CBLL1: variants seen among roughly 807,000 people sequenced by gnomAD.
CBLL1 encodes the protein Cbl proto-oncogene like 1.
In CBLL1, 4 loss-of-function variants were observed where a neutral mutation model predicts 44.9. The observed-to-expected ratio is 0.09, with a 90% CI of 0.04 to 0.20. CBLL1 has a LOEUF of 0.20. Among genes scored for constraint, CBLL1 ranks in the 10% least tolerant of loss-of-function variants. The pLI is 1.00. For synonymous variants in CBLL1, 235 were observed against 202.2 expected, an observed-to-expected ratio of 1.16 and a Z score of -1.38; for missense variants, 569 against 636.7, an observed-to-expected ratio of 0.89 and a Z score of 1.14.
In CBLL1 at chr7:107,744,175, T is replaced by G. The variant is rs748860707; in HGVS notation, c.12T>G (p.Thr4=). 9.0e-6 allele frequency: 14 copies of G among 1,553,620 alleles called. No individual in the cohort carries two copies. The Admixed American group carries it at 2.8e-4, about 31-fold the overall frequency. Residue 4 remains threonine (T), a splice_region_variant and synonymous_variant, in exon 1 of 6, where the codon ACT becomes ACG. Transcript: ENST00000440859. The part of the protein sequence containing the change: MDH[T]DNELQGTNSS... ...CTGCGAGCCGAATCATGGATCACAC[T>G]GGTAAGGAGGCGGAGGCAGTGGGGG...
chr7:107,756,896 G>A (rs1793551001), intron 5 of CBLL1, among the ~76,000 whole-genome samples: 1 of 152,158 alleles, frequency 6.6e-6, no homozygotes, highest in African/African-American at 2.4e-5. Context: ...GTGAAGAAAT[G>A]GCAGTCAGAG....
Position 107,759,211 on chromosome 7 carries a change from A to G in CBLL1, c.*33A>G, listed in dbSNP as rs1183072099. On this transcript the variant is annotated 3_prime_UTR_variant, in exon 6 of 6. Coordinates refer to ENST00000440859, the MANE Select transcript of CBLL1 (RefSeq NM_024814.4). ...ATTTTGAATGGAAGATATGAGGGGG[A>G]AAAAAACTTATGTGTAGTCAATCTT... The G allele has an allele frequency of 5.9e-6, 9 of 1,513,082 alleles. No individual in the cohort carries two copies. Among genetic ancestry groups the G allele is most frequent in the South Asian group, 1.3e-5 (1 of 79,056 alleles). The allele number at this position is 1,513,082 out of a possible 1,614,324, so 93.7% of individuals were successfully genotyped here.
chr7:107,746,113 C>G (rs576211847), intron 1 of CBLL1, among the ~76,000 whole-genome samples: 84 of 152,252 alleles, frequency 5.5e-4, no homozygotes, highest in African/African-American at 2.0e-3. Context: ...AGAGTTGAAA[C>G]TGGGATTTTG....
Position 107,753,915 on chromosome 7 carries a change from G to T in CBLL1, c.303G>T (p.Lys101Asn). The change falls in exon 4 of 6, where the codon AAG becomes AAT. Residue 101 changes from lysine (K) to asparagine (N), a missense_variant. Lys to Asn is a moderately conservative substitution (Grantham distance 94). Around this residue, in one of 5 missense-constraint regions of CBLL1, gnomAD observed 209 missense variants for 202.8 expected, o/e 1.03. Coordinates refer to ENST00000440859, the MANE Select transcript of CBLL1 (RefSeq NM_024814.4). ...AACAGATAAACATCTTAGGTGAAAAGGATGATACACCAGTTCATTTCTGTG... is the reference window on the plus strand; with the variant it reads ...AACAGATAAACATCTTAGGTGAAAATGATGATACACCAGTTCATTTCTGTG... Reference protein sequence around the residue: ...WDFQINILGEKDDTPVHFCDK... With the variant: ...WDFQINILGENDDTPVHFCDK... 6.3e-7 allele frequency: 1 copy of T among 1,592,464 alleles called. No individual in the cohort carries two copies. The highest frequency in any genetic ancestry group is 8.6e-7 in the Non-Finnish European group (1 of 1,167,946).
At chr7:107,744,963 A>AG (rs761732791) in intron 1 of CBLL1, 12 of 152,232 alleles carry the variant, frequency 7.9e-5, no homozygotes, top group Non-Finnish European at 1.3e-4. Flanking sequence ...TCACAAATAG[A>AG]GAAAAAAAGG....
intron 1 of CBLL1, among the ~76,000 whole-genome samples, chr7:107,748,130 A>G (rs1309569001): frequency 1.3e-5 from 2 of 152,280 alleles, no homozygotes; most frequent in African/African-American, 4.8e-5. Context: ...TTCTATAGAC[A>G]ATAACAAGCA....
At position 107,759,359 on chromosome 7, in the gene CBLL1, T is replaced by G. The variant is rs553085606; in HGVS notation, c.*181T>G. ...TTAAGATTGATTTCAAGTACCATAC[T>G]GTAGTACAGATAAGTGGCTCAGTTG... On this transcript the variant is annotated 3_prime_UTR_variant, in exon 6 of 6. Coordinates refer to ENST00000440859, the MANE Select transcript of CBLL1 (RefSeq NM_024814.4). 5.4e-4 allele frequency: 297 copies of G among 554,666 alleles called. No homozygotes were observed. Among genetic ancestry groups the G allele is most frequent in the African/African-American group, 4.9e-3 (262 of 53,350 alleles). The allele number at this position is 554,666 out of a possible 1,614,324, so 34.4% of individuals were successfully genotyped here.
rs373788904 is a variant in CBLL1 at position 107,758,440 on chromosome 7, A to G, written c.738A>G (p.Gln246=). The stretch of plus-strand genomic sequence containing the variant: ...TCATGATGCCACCACCTCCTTTGCA[A>G]CATGTGCCACATGAGCACTATAATC... ...QHIMMPPPPL[Q]HVPHEHYNQP... Residue 246 remains glutamine, a synonymous_variant, in exon 6 of 6, where the codon CAA becomes CAG. Transcript: ENST00000440859. The surrounding 1 kb of genome is among the most constrained non-coding windows in gnomAD (Gnocchi z 4.2). The G allele has an allele frequency of 1.2e-6, 2 of 1,613,982 alleles. No homozygotes were observed. Among genetic ancestry groups the G allele is most frequent in the Non-Finnish European group, 8.5e-7 (1 of 1,180,026 alleles).
At chr7:107,744,559 G>T (rs1333529762) in intron 1 of CBLL1, 1 of 251,968 alleles carries the variant, frequency 4.0e-6, no homozygotes, top group Non-Finnish European at 7.5e-6. Flanking sequence ...TCCTCTTTAC[G>T]CTGGGAGTGG....
rs774683214 is a variant in CBLL1 at position 107,758,117 on chromosome 7, T to A, written c.441-26T>A. On this transcript the variant is annotated intron_variant, in intron 5 of 5. Transcript: ENST00000440859. This position sits in a 1 kb window ranked among gnomAD's most constrained non-coding sequence, Gnocchi z 4.2. ...ATTTTTTGTATTCTCTTTTAGTAAA[T>A]CACATTTCTTTCCCTTCTAATTTAG... 4.7e-5 allele frequency: 72 copies of A among 1,536,102 alleles called. No homozygotes were observed. The highest frequency in any genetic ancestry group is 5.8e-5 in the Non-Finnish European group (66 of 1,141,066).
At chr7:107,744,761 C>T (rs905302495) in intron 1 of CBLL1, 3 of 152,752 alleles carry the variant, frequency 2.0e-5, no homozygotes, top group Non-Finnish European at 4.4e-5. Context: ...CGCGCTTCGG[C>T]TGAGGTCCTT....
intron 1 of CBLL1, 24 bp from the exon 2 acceptor site, chr7:107,748,856 T>C (rs1344395901): frequency 6.5e-7 from 1 of 1,548,858 alleles, no homozygotes; most frequent in African/African-American, 1.4e-5. Flanking sequence ...TAAAAGAAAT[T>C]ACAACTTTTT....
chr7:107,752,198 C>CA (rs796995157), intron 2 of CBLL1, among the ~76,000 whole-genome samples: 702 of 55,544 alleles, frequency 0.013, no homozygotes, highest in African/African-American at 0.017. Context: ...GACTCTGTCT[C>CA]AAAAAAAAAA....
At chr7:107,746,811 T>C (rs1053231277) in intron 1 of CBLL1, among the ~76,000 whole-genome samples, 1 of 152,230 alleles carries the variant, frequency 6.6e-6, no homozygotes, top group African/African-American at 2.4e-5. Flanking sequence ...CCATTAACAC[T>C]GGATTTATTC....
rs1292153941 is a variant in CBLL1, at chr7:107,760,764, T to C, written c.*1586T>C. 1.3e-5 allele frequency: 2 copies of C among 152,226 alleles called. No individual in the cohort carries two copies. Among genetic ancestry groups the C allele is most frequent in the Non-Finnish European group, 2.9e-5 (2 of 67,920 alleles). The allele number at this position is 152,226 out of a possible 1,614,324, so 9.4% of individuals were successfully genotyped here. On this transcript the variant is annotated 3_prime_UTR_variant, in exon 6 of 6. Coordinates refer to ENST00000440859, the MANE Select transcript of CBLL1 (RefSeq NM_024814.4). ...GGTGATCTGATTGCTAATTTACCAT[T>C]TTATTCTGTCAGGTACAGGTGAAAC...
In CBLL1 at chr7:107,753,920, A is replaced by G. The variant is rs766990918; in HGVS notation, c.308A>G (p.Asp103Gly). The G allele has an allele frequency of 5.6e-6, 9 of 1,596,208 alleles. No homozygotes were observed. The highest frequency in any genetic ancestry group is 1.1e-5 in the South Asian group (1 of 88,936). The change falls in exon 4 of 6, where the codon GAT becomes GGT. Residue 103 changes from aspartate (D) to glycine (G), a missense_variant. Physicochemically the swap from Asp to Gly is moderately conservative, Grantham distance 94. Around this residue, in one of 5 missense-constraint regions of CBLL1, gnomAD observed 209 missense variants for 202.8 expected, o/e 1.03. Coordinates refer to ENST00000440859, the MANE Select transcript of CBLL1 (RefSeq NM_024814.4). ...ATAAACATCTTAGGTGAAAAGGATG[A>G]TACACCAGTTCATTTCTGTGACAAG... ...FQINILGEKD[D>G]TPVHFCDKCG... is the part of the protein sequence containing the mutation.
At chr7:107,746,334 G>T (rs1793013006) in intron 1 of CBLL1, among the ~76,000 whole-genome samples, 1 of 152,108 alleles carries the variant, frequency 6.6e-6, no homozygotes, top group Non-Finnish European at 1.5e-5. Context: ...AAATACTCAC[G>T]AATGAGCTGA....
intron 1 of CBLL1, among the ~76,000 whole-genome samples, chr7:107,746,961 G>C (rs1156711682): frequency 6.6e-6 from 1 of 152,184 alleles, no homozygotes; most frequent in African/African-American, 2.4e-5. Flanking sequence ...TGATATGGAA[G>C]TGTTGTGCCT....
At chr7:107,746,605 T>G (rs1316220639) in intron 1 of CBLL1, among the ~76,000 whole-genome samples, 1 of 152,302 alleles carries the variant, frequency 6.6e-6, no homozygotes, top group Admixed American at 6.5e-5. Flanking sequence ...GCTAGATAAT[T>G]GAAGAATCAT....
Sources: gnomAD v4.1 joint callset for allele counts (sites outside exome capture counted in the v4.1 genomes callset) on GRCh38, gnomAD v4.1.1 for gene constraint, gnomAD v4.1.1 regional missense constraint, Gnocchi (gnomAD v3.1) non-coding constraint, MANE v1.5 for transcripts, NCBI Gene and HGNC (gene_info 2026-07-23, HGNC 2026-07-21) for gene names.